Variants in GSTA1 observed in about 807,000 individuals in gnomAD.
The protein encoded by GSTA1 is glutathione S-transferase A1.
Under a neutral mutation model 21.5 loss-of-function variants are expected in GSTA1, and 23 were observed. The ratio of observed to expected loss-of-function variants is 1.07; its 90% CI spans 0.77 to 1.52. GSTA1 has a LOEUF of 1.52. Among genes scored for constraint, GSTA1 ranks in the 40% most tolerant of loss-of-function variants. The probability of loss-of-function intolerance (pLI) is 0.00; values close to 1 mark genes in which losing one functional copy is unlikely to be tolerated. For missense variants in GSTA1, 301 were observed against 264.2 expected (o/e 1.14, Z -0.96); for synonymous variants, 125 against 90.0 (o/e 1.39, Z -2.20).
chr6:52,797,896 A>G (rs4715330), intron 2 of GSTA1, among the ~76,000 whole-genome samples: 148,400 of 152,314 alleles, frequency 0.97, 72,406 homozygotes, highest in East Asian at 1. Context: ...ATTAGGTCAT[A>G]TTTTGAGGGG....
intron 1 of GSTA1, among the ~76,000 whole-genome samples, chr6:52,801,132 C>G (rs147633237): frequency 6.6e-6 from 1 of 152,292 alleles, no homozygotes; most frequent in African/African-American, 2.4e-5. Flanking sequence ...CCACTCGCCT[C>G]AGCCTCCCGA....
At chr6:52,796,082 G>C (rs758333429) in intron 4 of GSTA1, 100 bp downstream of exon 4, 23 of 1,561,396 alleles carry the variant, frequency 1.5e-5, no homozygotes, top group Non-Finnish European at 1.9e-5. Context: ...GGCCCAGCCT[G>C]CTGCTGGTCA....
chr6:52,799,180 C>A lies in GSTA1; in HGVS notation c.87+1G>T. 6.2e-7 allele frequency: 1 copy of A among 1,613,498 alleles called. No individual in the cohort carries two copies. The highest frequency in any genetic ancestry group is 2.2e-5 in the East Asian group (1 of 44,880). On this transcript the variant is annotated splice_donor_variant, in intron 2 of 6. Coordinates refer to ENST00000334575, the MANE Select transcript of GSTA1 (RefSeq NM_145740.5). LOFTEE classifies it high-confidence loss of function. The stretch of plus-strand genomic sequence containing the variant: ...TTAAGATGACCTAACTCAGAACCTA[C>A]CTCTACTCCAGCTGCAGCCAGGAGC...
At chr6:52,801,631 G>A (rs1240749289) in intron 1 of GSTA1, among the ~76,000 whole-genome samples, 3 of 152,206 alleles carry the variant, frequency 2.0e-5, no homozygotes, top group Non-Finnish European at 2.9e-5. Context: ...CTTTCTCAAT[G>A]TGAGGTTTCC....
At chr6:52,803,267 A>G (rs1763757899) in intron 1 of GSTA1, among the ~76,000 whole-genome samples, 1 of 152,142 alleles carries the variant, frequency 6.6e-6, no homozygotes, top group South Asian at 2.1e-4. Flanking sequence ...AACTCCAGAG[A>G]CAGAATATGA....
intron 4 of GSTA1, among the ~76,000 whole-genome samples, chr6:52,794,670 C>CT (rs1412680089): frequency 2.0e-5 from 3 of 152,206 alleles, no homozygotes. Context: ...AAGAGAGTCC[C>CT]TGGCACAGCC....
chr6:52,799,384 A>G (rs1763660466), intron 1 of GSTA1, 87 bp from the exon 2 acceptor site: 3 of 808,794 alleles, frequency 3.7e-6, no homozygotes, highest in African/African-American at 1.8e-5. Flanking sequence ...CACCAACAAT[A>G]CTGAAGAAGA....
intron 6 of GSTA1, among the ~76,000 whole-genome samples, chr6:52,792,552 A>C (rs1763482761): frequency 6.6e-6 from 1 of 152,174 alleles, no homozygotes; most frequent in South Asian, 2.1e-4. Context: ...AAAGGACATC[A>C]CAGAGAACTC....
intron 1 of GSTA1, among the ~76,000 whole-genome samples, chr6:52,799,547 A>G (rs1472887190): frequency 1.3e-5 from 2 of 152,170 alleles, no homozygotes; most frequent in Non-Finnish European, 2.9e-5. Context: ...AAGAGGTGAG[A>G]GTATGTGGTA....
At position 52,799,062 on chromosome 6, in the gene GSTA1, C is replaced by T. The variant is rs112168100; in HGVS notation, c.87+119G>A. Reference sequence around the variant, plus strand: ...AATCTGTTCATCTTTTTCTTAATTACAGTCCATTTTTATTTAAGGCACAAT... The same window carrying T: ...AATCTGTTCATCTTTTTCTTAATTATAGTCCATTTTTATTTAAGGCACAAT... On this transcript the variant is annotated intron_variant, in intron 2 of 6. Transcript: ENST00000334575. The T allele has an allele frequency of 2.4e-4, 221 of 902,234 alleles. 3 individuals are homozygous for T. Among genetic ancestry groups the T allele is most frequent in the African/African-American group, 2.4e-3 (142 of 59,578 alleles). 55.9% of individuals were successfully genotyped at this position (902,234 alleles called of 1,614,324 possible).
At chr6:52,796,853 T>A (rs1400699069) in intron 3 of GSTA1, among the ~76,000 whole-genome samples, 1 of 152,106 alleles carries the variant, frequency 6.6e-6, no homozygotes, top group Non-Finnish European at 1.5e-5. Context: ...ACAACATTTT[T>A]AAAAAGCTTC....
intron 5 of GSTA1, 53 bp from the exon 6 acceptor site, chr6:52,793,040 C>A: frequency 6.2e-7 from 1 of 1,612,480 alleles, no homozygotes; most frequent in African/African-American, 1.3e-5. Context: ...AGGCTAGGAC[C>A]CCTGCTTCTT....
chr6:52,792,635 G>A (rs1763484108), intron 6 of GSTA1: 1 of 1,188,460 alleles, frequency 8.4e-7, no homozygotes, highest in Non-Finnish European at 1.1e-6. Flanking sequence ...ATAATAAAGG[G>A]CAAAATACTC....
intron 5 of GSTA1, 131 bp downstream of exon 5, chr6:52,793,994 A>G (rs1763516953): frequency 9.4e-7 from 1 of 1,060,884 alleles, no homozygotes; most frequent in African/African-American, 1.6e-5. Flanking sequence ...ATGCCTTGAG[A>G]GTCAGAGTGC....
At chr6:52,795,155 T>A (rs1435765796) in intron 4 of GSTA1, among the ~76,000 whole-genome samples, 8 of 152,228 alleles carry the variant, frequency 5.3e-5, no homozygotes, top group Non-Finnish European at 1.0e-4. Flanking sequence ...AGGCAAGCAC[T>A]AATCTACTTT....
At chr6:52,794,538 G>GT (rs1409782969) in intron 4 of GSTA1, among the ~76,000 whole-genome samples, 3 of 152,174 alleles carry the variant, frequency 2.0e-5, no homozygotes, top group Non-Finnish European at 4.4e-5. Context: ...GAGAGAAATT[G>GT]GCAGAATCAC....
At position 52,797,627 on chromosome 6, in the gene GSTA1, T is replaced by G. The variant is rs922056666; in HGVS notation, c.98A>C (p.Lys33Thr). 3 of 1,607,018 alleles carry G rather than the reference T, an allele frequency of 1.9e-6. No homozygotes were observed. In the African/African-American group the frequency reaches 4.0e-5, roughly 21 times the overall value. Residue 33 changes from lysine to threonine, a missense_variant, in exon 3 of 7, where the codon AAA becomes ACA. Transcript: ENST00000334575. ...CAAATCTTCTGCAGATTTTATAAAT[T>G]TCTCTTCAAACTGGAAGCAGAAACA... Reference protein sequence around the residue: ...LAAAGVEFEEKFIKSAEDLDK... With the variant: ...LAAAGVEFEETFIKSAEDLDK...
intron 1 of GSTA1, among the ~76,000 whole-genome samples, chr6:52,803,123 A>G (rs1453924937): frequency 6.6e-6 from 1 of 152,136 alleles, no homozygotes; most frequent in East Asian, 1.9e-4. Flanking sequence ...TCAGATAGGT[A>G]GAGGCCAGGG....
At chr6:52,803,568 G>C (rs1763765814) in intron 1 of GSTA1, among the ~76,000 whole-genome samples, 1 of 151,964 alleles carries the variant, frequency 6.6e-6, no homozygotes, top group Non-Finnish European at 1.5e-5. Context: ...TGAAGCCCTG[G>C]TTTTCTAAAT....
Sources: gnomAD v4.1 joint callset for allele counts (sites outside exome capture counted in the v4.1 genomes callset) on GRCh38, gnomAD v4.1.1 for gene constraint, MANE v1.5 for transcripts, NCBI Gene and HGNC (gene_info 2026-07-23, HGNC 2026-07-21) for gene names.